Variants in ADCY2 observed in about 807,000 individuals in gnomAD.
ADCY2 encodes adenylate cyclase 2.
Under a neutral mutation model 125.2 loss-of-function variants are expected in ADCY2, and 31 were observed. The ratio of observed to expected loss-of-function variants is 0.25; its 90% CI spans 0.19 to 0.33. The LOEUF (loss-of-function observed/expected upper bound fraction) is 0.33, where lower values mean the gene tolerates loss of function less well. ADCY2 is among the 10% of genes least tolerant of loss of function. The probability of loss-of-function intolerance (pLI) is 1.00; values close to 1 mark genes in which losing one functional copy is unlikely to be tolerated. For synonymous variants in ADCY2, 512 were observed against 548.4 expected, an observed-to-expected ratio of 0.93 and a Z score of 0.93; for missense variants, 904 against 1,418.2, an observed-to-expected ratio of 0.64 and a Z score of 5.82.
At chr5:7,658,429 GTGTA>G (rs765065334) in intron 4 of ADCY2, among the ~76,000 whole-genome samples, 21 of 126,958 alleles carry the variant, frequency 1.7e-4, no homozygotes, top group East Asian at 6.7e-4. Context: ...GTGTGTGTGT[GTGTA>G]TATATATATA....
At chr5:7,623,262 T>G (rs1738016171) in intron 3 of ADCY2, among the ~76,000 whole-genome samples, 1 of 152,242 alleles carries the variant, frequency 6.6e-6, no homozygotes, top group Non-Finnish European at 1.5e-5. Context: ...GAAAAAGCTC[T>G]CATGAATAAT....
intron 15 of ADCY2, among the ~76,000 whole-genome samples, chr5:7,750,385 ATT>A (rs1742770659): frequency 6.6e-6 from 1 of 152,066 alleles, no homozygotes; most frequent in African/African-American, 2.4e-5. Flanking sequence ...GAGTCTGGTA[ATT>A]TTTCTCATCT....
rs193102455 is a variant in ADCY2 at position 7,629,196 on chromosome 5, G to T, written c.720+2880G>T. On this transcript the variant is annotated intron_variant, in intron 4 of 24. Transcript: ENST00000338316. ...TCAGAGAGAGCTGGTGCTCCCAGAGGTTGAGAGGCGGCCACCTTGGGAGTT... is the reference window on the plus strand; with the variant it reads ...TCAGAGAGAGCTGGTGCTCCCAGAGTTTGAGAGGCGGCCACCTTGGGAGTT... 2.0e-5 allele frequency among the ~76,000 whole-genome samples: 3 copies of T among 152,328 alleles called. No individual in the cohort carries two copies. The East Asian group carries it at 5.8e-4, about 29-fold the overall frequency.
At chr5:7,577,855 T>C (rs370983916) in intron 3 of ADCY2, among the ~76,000 whole-genome samples, 1 of 152,176 alleles carries the variant, frequency 6.6e-6, no homozygotes, top group Non-Finnish European at 1.5e-5. Flanking sequence ...ACAGTTTGAT[T>C]GCTGACAAGA....
intron 2 of ADCY2, among the ~76,000 whole-genome samples, chr5:7,509,015 C>G (rs1743955267): frequency 6.6e-6 from 1 of 152,054 alleles, no homozygotes; most frequent in African/African-American, 2.4e-5. Context: ...AGAAAGTTTG[C>G]AGACTTTAAC....
chr5:7,686,852 T>C (rs1345568173), intron 4 of ADCY2, among the ~76,000 whole-genome samples: 1 of 152,226 alleles, frequency 6.6e-6, no homozygotes, highest in Non-Finnish European at 1.5e-5. Context: ...ACATTTTAAA[T>C]TTAAAAGAAG....
intron 2 of ADCY2, among the ~76,000 whole-genome samples, chr5:7,455,480 C>T (rs541389336): frequency 1.3e-5 from 2 of 151,892 alleles, no homozygotes; most frequent in East Asian, 1.9e-4. Flanking sequence ...ATGTGATTAC[C>T]TATTCAATCA....
Position 7,408,593 on chromosome 5 carries a change from C to G in ADCY2, c.211-5980C>G, listed in dbSNP as rs544126961. Among the ~76,000 whole-genome samples the G allele has an allele frequency of 3.7e-3, 569 of 152,070 alleles. 5 individuals are homozygous for G. Among genetic ancestry groups the G allele is most frequent in the African/African-American group, 0.013 (524 of 41,462 alleles). ...ATGTTGGCCAGCCTGGGCTCGAACT[C>G]CTGATCTTGGGTGATCTACCCACCG... On this transcript the variant is annotated intron_variant, in intron 1 of 24. Transcript: ENST00000338316.
chr5:7,553,383 C>T (rs1007290271), intron 3 of ADCY2, among the ~76,000 whole-genome samples: 1 of 152,192 alleles, frequency 6.6e-6, no homozygotes, highest in African/African-American at 2.4e-5. Flanking sequence ...GTGGAAGGCC[C>T]TTCCGGGCTC....
At chr5:7,490,538 T>C (rs1226564763) in intron 2 of ADCY2, among the ~76,000 whole-genome samples, 1 of 152,198 alleles carries the variant, frequency 6.6e-6, no homozygotes, top group Admixed American at 6.5e-5. Flanking sequence ...TCTCCTAGTC[T>C]GATTTTATTG....
At position 7,827,571 on chromosome 5, in the gene ADCY2, C is replaced by G. The variant is rs1395133747; in HGVS notation, c.*700C>G. On this transcript the variant is annotated 3_prime_UTR_variant, in exon 25 of 25. Coordinates refer to ENST00000338316, the MANE Select transcript of ADCY2 (RefSeq NM_020546.3). ...TATCTTTTATTTTCCTGTCTTCTTT[C>G]TCCTGTGGTTTGCTCCAGAATTAAG... The G allele has an allele frequency of 6.6e-6, 1 of 152,364 alleles. No individual in the cohort carries two copies. The highest frequency in any genetic ancestry group is 1.5e-5 in the Non-Finnish European group (1 of 68,038). 9.4% of individuals were successfully genotyped at this position (152,364 alleles called of 1,614,324 possible).
chr5:7,658,016 C>G (rs1739397384), intron 4 of ADCY2: 1 of 152,216 alleles, frequency 6.6e-6, no homozygotes, highest in South Asian at 2.1e-4. Flanking sequence ...GACATCTCTG[C>G]CTTCCTCAGG....
intron 2 of ADCY2, among the ~76,000 whole-genome samples, chr5:7,513,734 T>G (rs1421329872): frequency 6.6e-6 from 1 of 152,358 alleles, no homozygotes; most frequent in Non-Finnish European, 1.5e-5. Context: ...AGAACTATAT[T>G]GCGGTACTAT....
chr5:7,599,032 T>G (rs1359864000), intron 3 of ADCY2, among the ~76,000 whole-genome samples: 34 of 152,248 alleles, frequency 2.2e-4, no homozygotes, highest in Non-Finnish European at 1.0e-4. Context: ...GCTCATTTGC[T>G]GCATTTTGGT....
At chr5:7,410,639 T>C (rs183151320) in intron 1 of ADCY2, among the ~76,000 whole-genome samples, 1 of 152,222 alleles carries the variant, frequency 6.6e-6, no homozygotes, top group Admixed American at 6.5e-5. Context: ...AATTTTATTT[T>C]ACCTTGTTAA....
chr5:7,572,693 A>G (rs1736103685), intron 3 of ADCY2, among the ~76,000 whole-genome samples: 1 of 152,128 alleles, frequency 6.6e-6, no homozygotes, highest in African/African-American at 2.4e-5. Flanking sequence ...CATCTTCATC[A>G]TGAAATCTTT....
At chr5:7,439,750 A>G (rs1163146542) in intron 2 of ADCY2, among the ~76,000 whole-genome samples, 1 of 152,210 alleles carries the variant, frequency 6.6e-6, no homozygotes, top group East Asian at 1.9e-4. Context: ...ATCTGATTGT[A>G]GAAGACATTG....
chr5:7,401,467 T>C (rs1301640215), intron 1 of ADCY2, among the ~76,000 whole-genome samples: 1 of 152,210 alleles, frequency 6.6e-6, no homozygotes, highest in Non-Finnish European at 1.5e-5. Flanking sequence ...CAAGTTTTCT[T>C]GTTGAAATTT....
chr5:7,465,760 T>C (rs1396518698), intron 2 of ADCY2, among the ~76,000 whole-genome samples: 2 of 152,246 alleles, frequency 1.3e-5, no homozygotes, highest in African/African-American at 2.4e-5. Flanking sequence ...TATAAATATA[T>C]AGCAGTTCCA....
Sources: gnomAD v4.1 joint callset for allele counts (sites outside exome capture counted in the v4.1 genomes callset) on GRCh38, gnomAD v4.1.1 for gene constraint, MANE v1.5 for transcripts, NCBI Gene and HGNC (gene_info 2026-07-23, HGNC 2026-07-21) for gene names.